MAP3K15: variants seen among roughly 807,000 people sequenced by gnomAD.
MAP3K15 encodes the protein mitogen-activated protein kinase kinase kinase 15.
Under a neutral mutation model 99.5 loss-of-function variants are expected in MAP3K15, and 124 were observed. That is an observed-to-expected ratio of 1.25 (90% CI 1.08 to 1.45). The LOEUF (loss-of-function observed/expected upper bound fraction) is 1.45, where lower values mean the gene tolerates loss of function less well. Ranked by LOEUF, MAP3K15 falls within the 40% of genes most tolerant of loss-of-function variation. The pLI, the probability that MAP3K15 is intolerant of heterozygous loss-of-function variation, is 0.00. For missense variants in MAP3K15, 1,242 were observed against 1,079.7 expected (o/e 1.15, Z -2.11); for synonymous variants, 494 against 439.6 (o/e 1.12, Z -1.55).
intron 14 of MAP3K15, among the ~76,000 whole-genome samples, 171 bp from the exon 15 acceptor site, chrX:19,398,530 G>A (rs1457123394): frequency 8.9e-6 from 1 of 111,997 alleles, no homozygotes; most frequent in East Asian, 2.8e-4. Context: ...CTTTAAAGGG[G>A]CAGAATTCTC....
At chrX:19,437,900 C>T (rs1363662089) in intron 6 of MAP3K15, among the ~76,000 whole-genome samples, 1 of 111,295 alleles carries the variant, frequency 9.0e-6, no homozygotes, top group African/African-American at 3.3e-5. Flanking sequence ...CCTGTGTGGT[C>T]CTATAGTTTA....
At chrX:19,425,725 C>G in intron 8 of MAP3K15, 35 bp from the exon 9 acceptor site, 2 of 1,145,855 alleles carry the variant, frequency 1.7e-6, no homozygotes, top group Non-Finnish European at 2.3e-6. Context: ...TCAGAATAAT[C>G]TTTTTTAGTT....
At chrX:19,437,433 C>T (rs768271698) in intron 6 of MAP3K15, among the ~76,000 whole-genome samples, 2 of 111,460 alleles carry the variant, frequency 1.8e-5, no homozygotes, top group Admixed American at 9.6e-5. Flanking sequence ...TCCTGTGCCC[C>T]GATCACCTAC....
Position 19,431,495 on chromosome X carries a change from T to C in MAP3K15, c.1109A>G (p.Asp370Gly). Residue 370 changes from aspartate to glycine, a missense_variant, in exon 7 of 29, where the codon GAC (aspartate) becomes GGC (glycine). By Grantham distance (94) the Asp-to-Gly change is moderately conservative. Coordinates refer to ENST00000338883, the MANE Select transcript of MAP3K15 (RefSeq NM_001001671.4). ...MFCLCGRIYK[D>G]IFLDSDCKDD... ...TTTGCAGTCTGAATCCAAGAAGATG[T>C]CCTTGTAGATCCTCCCACACAGGCA... 8.3e-7 allele frequency: 1 copy of C among 1,199,995 alleles called. No individual in the cohort carries two copies. The highest frequency in any genetic ancestry group is 1.1e-6 in the Non-Finnish European group (1 of 894,904).
chrX:19,416,374 T>C (rs2063735407), intron 9 of MAP3K15, among the ~76,000 whole-genome samples: 1 of 110,951 alleles, frequency 9.0e-6, no homozygotes, highest in African/African-American at 3.3e-5. Flanking sequence ...CGTGTGAGAC[T>C]GATCATTTTT....
chrX:19,452,340 G>GAAGAGAAGAGAAAGAGA (rs1555958950), intron 6 of MAP3K15, among the ~76,000 whole-genome samples: 2 of 9,483 alleles, frequency 2.1e-4, no homozygotes, highest in Non-Finnish European at 2.7e-4. Flanking sequence ...GAAGAGAAGA[G>GAAGAGAAGAGAAAGAGA]AAGAGAAGAG....
At chrX:19,504,374 C>T (rs1178123206) in intron 1 of MAP3K15, among the ~76,000 whole-genome samples, 4 of 110,713 alleles carry the variant, frequency 3.6e-5, no homozygotes, top group African/African-American at 1.3e-4. Context: ...GCTGCTGCTG[C>T]TCACATCGCA....
At chrX:19,479,174 C>A (rs1171685185) in intron 3 of MAP3K15, among the ~76,000 whole-genome samples, 2 of 111,781 alleles carry the variant, frequency 1.8e-5, no homozygotes, top group Non-Finnish European at 3.8e-5. Context: ...CCAACCCAAC[C>A]TCAAGGAAGG....
intron 2 of MAP3K15, among the ~76,000 whole-genome samples, chrX:19,487,705 G>A (rs998637470): frequency 2.7e-5 from 3 of 111,877 alleles, no homozygotes; most frequent in Admixed American, 1.9e-4. Context: ...CACATCTCAA[G>A]CAGGTGGTAT....
intron 18 of MAP3K15, 76 bp downstream of exon 18, chrX:19,391,926 C>T (rs2063530659): frequency 9.9e-6 from 7 of 705,198 alleles, no homozygotes; most frequent in East Asian, 3.3e-5. Flanking sequence ...CACTAAGTAA[C>T]GGCTGAACAA....
In MAP3K15 at chrX:19,448,083, A is replaced by G. The variant is rs1487774242; in HGVS notation, c.995+8830T>C. Among the ~76,000 whole-genome samples, 4 of 106,534 alleles carry G rather than the reference A, an allele frequency of 3.8e-5. No individual in the cohort carries two copies. In the Admixed American group the frequency reaches 4.0e-4, roughly 11 times the overall value. 92.5% of individuals were successfully genotyped at this position (106,534 alleles called of 115,157 possible). Reference sequence around the variant, plus strand: ...CCTAAGTGGAACTGTGGCTTTTCTCATTTGTTTGAAATCCTCAGGCAGCGG... The same window carrying G: ...CCTAAGTGGAACTGTGGCTTTTCTCGTTTGTTTGAAATCCTCAGGCAGCGG... On this transcript the variant is annotated intron_variant, in intron 6 of 28. Coordinates refer to ENST00000338883, the MANE Select transcript of MAP3K15 (RefSeq NM_001001671.4).
intron 6 of MAP3K15, among the ~76,000 whole-genome samples, chrX:19,445,980 A>ATAAATAAATAAT (rs1253011433): frequency 1.5e-3 from 169 of 110,679 alleles, no homozygotes; most frequent in Non-Finnish European, 2.8e-3. Flanking sequence ...AAATAAATAA[A>ATAAATAAATAAT]TAAATATTAA....
intron 25 of MAP3K15, among the ~76,000 whole-genome samples, chrX:19,368,034 A>T (rs996321943): frequency 2.7e-5 from 3 of 110,351 alleles, no homozygotes; most frequent in Non-Finnish European, 5.7e-5. Context: ...GGTGTGAGCC[A>T]CTGTGCCCGG....
At chrX:19,421,617 T>C (rs12845236) in intron 9 of MAP3K15, among the ~76,000 whole-genome samples, 2,072 of 105,219 alleles carry the variant, frequency 0.02, 57 homozygotes, top group African/African-American at 0.077. Context: ...AGGTAATTTA[T>C]AGATTCAATG....
chrX:19,382,567 T>C (rs2063466291), intron 18 of MAP3K15, among the ~76,000 whole-genome samples: 1 of 112,372 alleles, frequency 8.9e-6, no homozygotes, highest in Admixed American at 9.5e-5. Flanking sequence ...AAATATGAAT[T>C]GGGTTGTATC....
intron 3 of MAP3K15, among the ~76,000 whole-genome samples, chrX:19,469,531 A>G (rs1276329913): frequency 9.0e-6 from 1 of 110,986 alleles, no homozygotes; most frequent in African/African-American, 3.3e-5. Flanking sequence ...AATGGCAACA[A>G]AAGCCAAAAT....
At chrX:19,514,348 G>A (rs756732454) in intron 1 of MAP3K15, among the ~76,000 whole-genome samples, 2 of 104,624 alleles carry the variant, frequency 1.9e-5, no homozygotes, top group African/African-American at 7.0e-5. Flanking sequence ...TTGGGAGAAG[G>A]GGGGCTTGGT....
chrX:19,424,853 C>T (rs1350690559), intron 9 of MAP3K15, among the ~76,000 whole-genome samples: 2 of 105,630 alleles, frequency 1.9e-5, no homozygotes, highest in Non-Finnish European at 3.9e-5. Flanking sequence ...CACTCTATTA[C>T]CCAGTCTGGT....
intron 3 of MAP3K15, among the ~76,000 whole-genome samples, chrX:19,466,932 G>A (rs188308093): frequency 1.8e-5 from 2 of 111,482 alleles, no homozygotes; most frequent in African/African-American, 6.5e-5. Flanking sequence ...TATGGCCCAG[G>A]ATGGCTTTGA....
Sources: allele counts gnomAD v4.1 joint callset (sites outside exome capture counted in the v4.1 genomes callset), GRCh38; gene constraint gnomAD v4.1.1; transcripts MANE v1.5; gene names NCBI Gene and HGNC (gene_info 2026-07-23, HGNC 2026-07-21).